Variants in FNIP1 observed in about 807,000 individuals in gnomAD.
The protein encoded by FNIP1 is folliculin-interacting protein 1.
Under a neutral mutation model 124.5 loss-of-function variants are expected in FNIP1, and 40 were observed. The ratio of observed to expected loss-of-function variants is 0.32; its 90% CI spans 0.25 to 0.42. FNIP1 has a LOEUF of 0.42. Among genes scored for constraint, FNIP1 ranks in the 10% least tolerant of loss-of-function variants. The pLI is 1.00. For synonymous variants in FNIP1, 472 were observed against 470.6 expected (o/e 1.00, Z -0.04); for missense variants, 1,176 against 1,403.7 (o/e 0.84, Z 2.59).
chr5:131,722,312 T>C (rs1334799942), intron 3 of FNIP1, among the ~76,000 whole-genome samples: 1 of 152,234 alleles, frequency 6.6e-6, no homozygotes, highest in African/African-American at 2.4e-5. Flanking sequence ...TAGTACACTT[T>C]TAGGGTTATC....
chr5:131,696,671 T>C (rs2149528530), intron 11 of FNIP1, among the ~76,000 whole-genome samples: 2 of 152,280 alleles, frequency 1.3e-5, no homozygotes, highest in East Asian at 3.9e-4. Flanking sequence ...CTAAAATTAA[T>C]GTTAAAATAA....
intron 6 of FNIP1, among the ~76,000 whole-genome samples, chr5:131,713,661 A>T (rs1400804520): frequency 6.6e-6 from 1 of 152,242 alleles, no homozygotes; most frequent in Non-Finnish European, 1.5e-5. Context: ...AAAATCATCA[A>T]TTCTGATTTC....
intron 1 of FNIP1, among the ~76,000 whole-genome samples, chr5:131,792,124 T>G (rs1392338812): frequency 6.6e-6 from 1 of 152,048 alleles, no homozygotes; most frequent in African/African-American, 2.4e-5. Context: ...CATCATTTTG[T>G]CTCATTTTGT....
At chr5:131,738,516 CAG>C (rs1345269019) in intron 2 of FNIP1, among the ~76,000 whole-genome samples, 2 of 151,434 alleles carry the variant, frequency 1.3e-5, no homozygotes, top group Admixed American at 6.6e-5. Flanking sequence ...TTGCTTGAGA[CAG>C]AGTCTCACTC....
rs756406723 is a variant in FNIP1, at chr5:131,670,476, G to A, written c.3095C>T (p.Ser1032Phe). The A allele has an allele frequency of 1.6e-5, 25 of 1,609,930 alleles. No individual in the cohort carries two copies. Among genetic ancestry groups the A allele is most frequent in the Non-Finnish European group, 2.1e-5 (25 of 1,178,718 alleles). Residue 1032 changes from serine (S) to phenylalanine (F), a missense_variant, in exon 15 of 18, where the codon TCT becomes TTT. Physicochemically the swap from Ser to Phe is radical, Grantham distance 155. Coordinates refer to ENST00000510461, the MANE Select transcript of FNIP1 (RefSeq NM_133372.3). ...RFRQCLMSDLSHAVQHPVLDE... is the reference protein window; with the variant it reads ...RFRQCLMSDLFHAVQHPVLDE... The stretch of plus-strand genomic sequence containing the variant: ...AAGGTCACTCACCTGCACAGCATGA[G>A]ATAAATCTGACATCAGACACTGACG...
intron 11 of FNIP1, among the ~76,000 whole-genome samples, chr5:131,693,333 C>CATATATATATATACACATATATATATAT: frequency 4.0e-5 from 2 of 50,150 alleles, no homozygotes; most frequent in South Asian, 1.3e-3. Context: ...TATATATATA[C>CATATATATATATACACATATATATATAT]ATATATATAT....
intron 1 of FNIP1, among the ~76,000 whole-genome samples, chr5:131,762,714 T>G (rs1315872152): frequency 6.6e-6 from 1 of 151,936 alleles, no homozygotes; most frequent in African/African-American, 2.4e-5. Flanking sequence ...AAAAACAGAA[T>G]TACTGTATGA....
At chr5:131,733,874 C>G (rs1770191310) in intron 2 of FNIP1, among the ~76,000 whole-genome samples, 2 of 152,110 alleles carry the variant, frequency 1.3e-5, no homozygotes, top group South Asian at 4.1e-4. Context: ...CCCTCTTTTT[C>G]TATTGATTGG....
At chr5:131,734,290 G>A (rs945267238) in intron 2 of FNIP1, among the ~76,000 whole-genome samples, 2 of 151,972 alleles carry the variant, frequency 1.3e-5, no homozygotes, top group African/African-American at 4.8e-5. Context: ...CTGGATTCAT[G>A]GATTTTTTGA....
chr5:131,773,195 T>C, intron 1 of FNIP1, among the ~76,000 whole-genome samples: 1 of 152,178 alleles, frequency 6.6e-6, no homozygotes, highest in East Asian at 1.9e-4. Context: ...ATCTCCCATA[T>C]ATACCCCCAA....
At chr5:131,656,821 G>A (rs1008979720) in intron 15 of FNIP1, among the ~76,000 whole-genome samples, 1 of 151,942 alleles carries the variant, frequency 6.6e-6, no homozygotes, top group Admixed American at 6.6e-5. Flanking sequence ...GAGATTTAAG[G>A]CAGGAAGGGA....
chr5:131,734,972 G>T (rs1459661479), intron 2 of FNIP1, among the ~76,000 whole-genome samples: 7 of 152,136 alleles, frequency 4.6e-5, no homozygotes, highest in Non-Finnish European at 1.5e-5. Context: ...TATACCCAAA[G>T]GAATATAAAT....
At chr5:131,745,687 C>A (rs1770654469) in intron 1 of FNIP1, among the ~76,000 whole-genome samples, 1 of 151,900 alleles carries the variant, frequency 6.6e-6, no homozygotes, top group Admixed American at 6.6e-5. Context: ...CCAGCAATTC[C>A]ACTTCGGAAA....
chr5:131,767,061 T>C (rs1485947157), intron 1 of FNIP1, among the ~76,000 whole-genome samples: 1 of 152,070 alleles, frequency 6.6e-6, no homozygotes, highest in African/African-American at 2.4e-5. Context: ...GGCTGAGACC[T>C]AACATTAACC....
chr5:131,711,658 C>G (rs1335583494), intron 6 of FNIP1, among the ~76,000 whole-genome samples: 1 of 152,128 alleles, frequency 6.6e-6, no homozygotes. Flanking sequence ...CCAGGCCCAG[C>G]TAATTTTGAG....
chr5:131,767,016 C>T (rs1335099084), intron 1 of FNIP1, among the ~76,000 whole-genome samples: 1 of 152,192 alleles, frequency 6.6e-6, no homozygotes, highest in African/African-American at 2.4e-5. Context: ...AGAAACAATG[C>T]TCTTCCAATT....
In FNIP1 at chr5:131,672,356, C is replaced by T. The variant is rs773005528; in HGVS notation, c.2088G>A (p.Glu696=). 4 of 1,614,196 alleles carry T rather than the reference C, an allele frequency of 2.5e-6. No homozygotes were observed. Among genetic ancestry groups the T allele is most frequent in the Non-Finnish European group, 3.4e-6 (4 of 1,180,032 alleles). The change falls in exon 14 of 18, where the codon GAG becomes GAA. Residue 696 remains glutamate (E), a synonymous_variant. Coordinates refer to ENST00000510461, the MANE Select transcript of FNIP1 (RefSeq NM_133372.3). The part of the protein sequence containing the change: ...SVPVDKCALS[E]SGLESTEETW... ...TTTCCTCTGTTGACTCTAAGCCTGA[C>T]TCTGACAATGCACATTTGTCTACTG...
Position 131,672,841 on chromosome 5 carries a change from G to C in FNIP1, c.1603C>G (p.Leu535Val). ...VGKRQDMVQR[L>V]LYFLTYFIRC... ...ATAAAATAAGTAAGAAAATAAAGTA[G>C]CCTCTGGACCATGTCTTGTCGTTTG... The change falls in exon 14 of 18, where the codon CTA becomes GTA. Residue 535 changes from leucine to valine, a missense_variant. This residue lies in a region of FNIP1 where 1,109 missense variants were observed against 1,288.5 expected (regional missense o/e 0.86). Transcript: ENST00000510461. 6.2e-7 allele frequency: 1 copy of C among 1,611,454 alleles called. No homozygotes were observed. Among genetic ancestry groups the C allele is most frequent in the Non-Finnish European group, 8.5e-7 (1 of 1,179,076 alleles).
intron 3 of FNIP1, among the ~76,000 whole-genome samples, chr5:131,727,299 C>A (rs2149547762): frequency 6.6e-6 from 1 of 152,178 alleles, no homozygotes; most frequent in African/African-American, 2.4e-5. Context: ...CTTTGTAGGT[C>A]TTTAAGAACT....
Sources: allele counts gnomAD v4.1 joint callset (sites outside exome capture counted in the v4.1 genomes callset), GRCh38; gene constraint gnomAD v4.1.1; regional missense constraint gnomAD v4.1.1; transcripts MANE v1.5; gene names NCBI Gene and HGNC (gene_info 2026-07-23, HGNC 2026-07-21).